OTOF: variants seen among roughly 807,000 people sequenced by gnomAD.
The protein encoded by OTOF is otoferlin.
A neutral mutation model predicts 236.8 loss-of-function variants in OTOF; 218 were observed. That is an observed-to-expected ratio of 0.92 (90% CI 0.82 to 1.03). The LOEUF (loss-of-function observed/expected upper bound fraction) is 1.03. Among genes scored for constraint, OTOF ranks in the 50% least tolerant of loss-of-function variants. OTOF has a pLI of 0.00. For missense variants in OTOF, 2,590 were observed against 2,694.4 expected (o/e 0.96, Z 0.86); for synonymous variants, 1,041 against 1,072.5 (o/e 0.97, Z 0.57).
chr2:26,471,089 C>A, intron 31 of OTOF, 32 bp downstream of exon 31: 1 of 1,613,328 alleles, frequency 6.2e-7, no homozygotes, highest in South Asian at 1.1e-5. Flanking sequence ...GACCCTCTCA[C>A]CCCAGAGCCC....
rs770750823 is a variant in OTOF, at chr2:26,463,865, C to T, written c.5103+99G>A. On this transcript the variant is annotated intron_variant, in intron 40 of 46. Transcript: ENST00000272371. ...GCCTGCCAGGCTTTCTGGAATGCAGCGGACAGCGTGAGGCCTGGCTTCTAC... is the reference window on the plus strand; with the variant it reads ...GCCTGCCAGGCTTTCTGGAATGCAGTGGACAGCGTGAGGCCTGGCTTCTAC... The T allele has an allele frequency of 1.7e-4, 259 of 1,501,826 alleles. 1 individual carries two copies. The highest frequency in any genetic ancestry group is 7.2e-4 in the South Asian group (63 of 88,062). The allele number at this position is 1,501,826 out of a possible 1,614,324, so 93.0% of individuals were successfully genotyped here. A position where few individuals can be genotyped will look rare whatever the true frequency, so the allele number is the denominator to read the frequency against.
rs375081004 is a variant in OTOF at position 26,458,217 on chromosome 2, C to A, written c.*21G>T. The stretch of plus-strand genomic sequence containing the variant: ...GGAACCAGACGAAGGCCGTGTCGGG[C>A]CGGCTGGGAAGTGGAAGAGAGGAGC... On this transcript the variant is annotated 3_prime_UTR_variant, in exon 47 of 47. Coordinates refer to ENST00000272371, the MANE Select transcript of OTOF (RefSeq NM_194248.3). The A allele has an allele frequency of 9.5e-6, 15 of 1,579,348 alleles. No homozygotes were observed. Among genetic ancestry groups the A allele is most frequent in the Non-Finnish European group, 1.3e-5 (15 of 1,162,588 alleles).
intron 15 of OTOF, 30 bp from the exon 16 acceptor site, chr2:26,480,341 A>C: frequency 7.5e-7 from 1 of 1,341,024 alleles, no homozygotes; most frequent in Non-Finnish European, 1.1e-6. Context: ...AGCGTTCCTG[A>C]GCTTGAGTAA....
Position 26,519,094 on chromosome 2 carries a change from G to T in OTOF, c.243C>A (p.Phe81Leu), listed in dbSNP as rs753281507. ...KVFSNKLIGT[F>L]RMVLQKVVEE... is the part of the protein sequence containing the mutation. ...CTACCACCTTCTGCAGCACCATGCG[G>T]AAGGTCCCGATGAGCCTGGGGATGG... Residue 81 changes from phenylalanine to leucine, a missense_variant, in exon 4 of 47, where the codon TTC becomes TTA. By Grantham distance (22) the Phe-to-Leu change is conservative. This residue lies in a region of OTOF where 1,379 missense variants were observed against 1,341.6 expected (regional missense o/e 1.03). Coordinates refer to ENST00000272371, the MANE Select transcript of OTOF (RefSeq NM_194248.3). The T allele has an allele frequency of 6.2e-7, 1 of 1,600,514 alleles. No homozygotes were observed. The highest frequency in any genetic ancestry group is 8.5e-7 in the Non-Finnish European group (1 of 1,171,230).
In OTOF at chr2:26,558,539, C is replaced by T. The variant is rs767580121; in HGVS notation, c.33G>A (p.Ser11=). The change falls in exon 1 of 47, where the codon TCG becomes TCA. Residue 11 remains serine (S), a synonymous_variant. Coordinates refer to ENST00000272371, the MANE Select transcript of OTOF (RefSeq NM_194248.3). The part of the protein sequence containing the change: MALLIHLKTV[S]ELRGRGDRIA... ...TCCGGTCGCCCCTGCCCCGCAGCTC[C>T]GAGACTGTCTTGAGGTGGATGAGCA... The T allele has an allele frequency of 1.1e-5, 17 of 1,613,886 alleles. No individual in the cohort carries two copies. In the East Asian group the frequency reaches 1.3e-4, roughly 13 times the overall value.
chr2:26,555,175 G>A (rs1667556101), intron 1 of OTOF, among the ~76,000 whole-genome samples: 1 of 152,206 alleles, frequency 6.6e-6, no homozygotes, highest in South Asian at 2.1e-4. Flanking sequence ...TCTTTGAGTA[G>A]CAACCTGTGG....
At position 26,463,405 on chromosome 2, in the gene OTOF, C is replaced by T. The variant is rs867197841; in HGVS notation, c.5192+78G>A. The T allele has an allele frequency of 2.0e-5, 25 of 1,244,746 alleles. No homozygotes were observed. The Middle Eastern group carries it at 1.8e-3, about 88-fold the overall frequency. 77.1% of individuals were successfully genotyped at this position (1,244,746 alleles called of 1,614,324 possible). The stretch of plus-strand genomic sequence containing the variant: ...CAAGGCCATCTGGACCTGAGCCCCC[C>T]GCAGGAAGGGTTGGGCCGTGGTGGG... On this transcript the variant is annotated intron_variant, in intron 41 of 46. Transcript: ENST00000272371.
At chr2:26,497,408 C>T (rs983057666) in intron 8 of OTOF, among the ~76,000 whole-genome samples, 4 of 152,132 alleles carry the variant, frequency 2.6e-5, no homozygotes, top group East Asian at 1.9e-4. Flanking sequence ...TCTTCTAATG[C>T]GACTCCGAAG....
At chr2:26,489,040 A>G (rs1665768879) in intron 11 of OTOF, among the ~76,000 whole-genome samples, 171 bp downstream of exon 11, 1 of 152,244 alleles carries the variant, frequency 6.6e-6, no homozygotes. Flanking sequence ...ATTTGTGTAC[A>G]GACTGTGCGC....
chr2:26,542,553 G>T (rs770225920), intron 1 of OTOF, among the ~76,000 whole-genome samples: 1 of 152,194 alleles, frequency 6.6e-6, no homozygotes, highest in African/African-American at 2.4e-5. Context: ...AGAGGCACAC[G>T]CATTGACGCT....
chr2:26,493,927 A>T (rs752873131), intron 9 of OTOF, among the ~76,000 whole-genome samples: 4 of 152,196 alleles, frequency 2.6e-5, no homozygotes, highest in African/African-American at 7.2e-5. Flanking sequence ...ATCTTGCAAG[A>T]CCGTTATTAA....
chr2:26,489,370 G>A lies in OTOF; in HGVS notation c.961-75C>T, dbSNP rs766841428. On this transcript the variant is annotated intron_variant, in intron 10 of 46. Coordinates refer to ENST00000272371, the MANE Select transcript of OTOF (RefSeq NM_194248.3). ...TTTCCATGGGGCAGTGGTGGGACCC[G>A]AGCTTTGTGGTGAAGTGGGAGGGCG... The A allele has an allele frequency of 1.2e-5, 14 of 1,168,916 alleles. No homozygotes were observed. In the African/African-American group the frequency reaches 1.7e-4, roughly 14 times the overall value. 72.4% of individuals were successfully genotyped at this position (1,168,916 alleles called of 1,614,324 possible).
At position 26,477,910 on chromosome 2, in the gene OTOF, T is replaced by C. The variant is rs1489019093; in HGVS notation, c.2215-161A>G. Reference sequence around the variant, plus strand: ...GGTCATCATGAGGAAGTCATCAATTTCCCAGGTTCTGTTCTCAGAACCTGG... The same window carrying C: ...GGTCATCATGAGGAAGTCATCAATTCCCCAGGTTCTGTTCTCAGAACCTGG... On this transcript the variant is annotated intron_variant, in intron 18 of 46. Transcript: ENST00000272371. This position sits in a 1 kb window ranked among gnomAD's most constrained non-coding sequence, Gnocchi z 4.7. The C allele has an allele frequency of 2.0e-6, 3 of 1,528,812 alleles. No homozygotes were observed. The African/African-American group carries it at 4.2e-5, about 21-fold the overall frequency. 94.7% of individuals were successfully genotyped at this position (1,528,812 alleles called of 1,614,324 possible). A position where few individuals can be genotyped will look rare whatever the true frequency, so the allele number is the denominator to read the frequency against.
At chr2:26,503,907 A>C in intron 5 of OTOF, 62 bp from the exon 6 acceptor site, 2 of 1,438,970 alleles carry the variant, frequency 1.4e-6, no homozygotes, top group Non-Finnish European at 2.0e-6. Flanking sequence ...AAACACACAA[A>C]CACAGAAGAG....
chr2:26,485,483 G>A (rs1165728521), intron 11 of OTOF, among the ~76,000 whole-genome samples: 1 of 152,216 alleles, frequency 6.6e-6, no homozygotes, highest in Non-Finnish European at 1.5e-5. Flanking sequence ...TCATCCCAGT[G>A]TCCCATGACC....
intron 1 of OTOF, among the ~76,000 whole-genome samples, chr2:26,552,091 T>TAG (rs1667475654): frequency 7.1e-6 from 1 of 141,184 alleles, no homozygotes. Context: ...TATAAAAAGT[T>TAG]AAAAAAAAAA....
chr2:26,480,489 A>G (rs1001221577), intron 15 of OTOF, among the ~76,000 whole-genome samples, 178 bp from the exon 16 acceptor site: 9 of 152,184 alleles, frequency 5.9e-5, no homozygotes, highest in African/African-American at 1.7e-4. Context: ...CCATGGAAGC[A>G]GGGCTGGCTG....
At chr2:26,534,104 G>C (rs114187235) in intron 2 of OTOF, among the ~76,000 whole-genome samples, 246 of 152,276 alleles carry the variant, frequency 1.6e-3, no homozygotes, top group African/African-American at 5.5e-3. Context: ...ATAGACTCGG[G>C]TTTAAATCCT....
At chr2:26,515,402 T>TTGTG (rs34418795) in intron 5 of OTOF, among the ~76,000 whole-genome samples, 15 of 151,578 alleles carry the variant, frequency 9.9e-5, no homozygotes, top group Non-Finnish European at 1.2e-4. Context: ...TTTCTGAAGC[T>TTGTG]TGTGTGTGTG....
Sources: allele counts gnomAD v4.1 joint callset (sites outside exome capture counted in the v4.1 genomes callset), GRCh38; gene constraint gnomAD v4.1.1; regional missense constraint gnomAD v4.1.1; non-coding constraint Gnocchi (gnomAD v3.1); transcripts MANE v1.5; gene names NCBI Gene and HGNC (gene_info 2026-07-23, HGNC 2026-07-21).